TAF2: variants seen among roughly 807,000 people sequenced by gnomAD.
TAF2 encodes TATA-box binding protein associated factor 2.
Under a neutral mutation model 138.5 loss-of-function variants are expected in TAF2, and 61 were observed. The observed-to-expected ratio is 0.44, with a 90% CI of 0.36 to 0.54. TAF2 has a LOEUF of 0.54. Among genes scored for constraint, TAF2 ranks in the 20% least tolerant of loss-of-function variants. TAF2 has a pLI of 0.00. For missense variants in TAF2, 1,090 were observed against 1,427.9 expected, an observed-to-expected ratio of 0.76 and a Z score of 3.81; for synonymous variants, 475 against 469.9, an observed-to-expected ratio of 1.01 and a Z score of -0.14.
chr8:119,762,720 C>T, intron 18 of TAF2, 112 bp from the exon 19 acceptor site: 1 of 939,992 alleles, frequency 1.1e-6, no homozygotes, highest in African/African-American at 1.7e-5. Context: ...TTTCCCAAAA[C>T]ACAAGCAAGT....
chr8:119,784,579 T>C (rs987430591), intron 15 of TAF2, among the ~76,000 whole-genome samples: 1 of 152,140 alleles, frequency 6.6e-6, no homozygotes, highest in African/African-American at 2.4e-5. Flanking sequence ...GCAATCAAGT[T>C]AGTAAATAAT....
At chr8:119,757,876 A>G (rs1315231705) in intron 21 of TAF2, among the ~76,000 whole-genome samples, 197 bp downstream of exon 21, 1 of 152,128 alleles carries the variant, frequency 6.6e-6, no homozygotes, top group African/African-American at 2.4e-5. Flanking sequence ...AGCCTGGGCC[A>G]CAGAGTGAGA....
intron 3 of TAF2, among the ~76,000 whole-genome samples, chr8:119,809,578 G>C (rs1245243522): frequency 6.6e-6 from 1 of 152,148 alleles, no homozygotes; most frequent in African/African-American, 2.4e-5. Flanking sequence ...CATTTCTATA[G>C]CTTTTGGTTT....
At position 119,746,719 on chromosome 8, in the gene TAF2, C is replaced by G. The variant is rs373620738; in HGVS notation, c.3094G>C (p.Gly1032Arg). The change falls in exon 23 of 26, where the codon GGA (glycine) becomes CGA (arginine). Residue 1032 changes from glycine to arginine, a missense_variant. Gly to Arg is a moderately radical substitution (Grantham distance 125). Coordinates refer to ENST00000378164, the MANE Select transcript of TAF2 (RefSeq NM_003184.4). ...GTGATTCTTACAGGGTTCTGAAATC[C>G]AACTAGCTGTGGGTGACTGCTTGGA... The part of the protein sequence containing the change: ...NNPSSHPQLV[G>R]FQNPFSSSQD... The G allele has an allele frequency of 3.1e-6, 5 of 1,614,106 alleles. No individual in the cohort carries two copies. Among genetic ancestry groups the G allele is most frequent in the Non-Finnish European group, 3.4e-6 (4 of 1,180,008 alleles).
chr8:119,770,234 T>C (rs1821737649), intron 18 of TAF2, among the ~76,000 whole-genome samples: 1 of 151,546 alleles, frequency 6.6e-6, no homozygotes, highest in African/African-American at 2.4e-5. Context: ...GTGATAGATA[T>C]CCAGACAAGA....
intron 3 of TAF2, among the ~76,000 whole-genome samples, chr8:119,811,657 T>C (rs2131234487): frequency 6.6e-6 from 1 of 151,100 alleles, no homozygotes; most frequent in African/African-American, 2.4e-5. Context: ...ATACAAAAAA[T>C]TAGCCGGGCG....
intron 25 of TAF2, among the ~76,000 whole-genome samples, chr8:119,735,260 T>C (rs369912131): frequency 6.6e-6 from 1 of 152,208 alleles, no homozygotes; most frequent in Non-Finnish European, 1.5e-5. Flanking sequence ...TCCCAACATA[T>C]AGCACAGTAT....
chr8:119,829,392 C>T (rs1383620442), intron 2 of TAF2, among the ~76,000 whole-genome samples: 1 of 152,106 alleles, frequency 6.6e-6, no homozygotes, highest in Non-Finnish European at 1.5e-5. Flanking sequence ...GTAACTTCCC[C>T]TTCCCGTTGT....
chr8:119,830,504 C>A (rs2131277428), intron 2 of TAF2, among the ~76,000 whole-genome samples: 1 of 152,242 alleles, frequency 6.6e-6, no homozygotes, highest in African/African-American at 2.4e-5. Flanking sequence ...ATTCATACAA[C>A]ATAATACAAC....
chr8:119,801,363 C>T (rs1037643261), intron 6 of TAF2, among the ~76,000 whole-genome samples: 1 of 151,344 alleles, frequency 6.6e-6, no homozygotes, highest in African/African-American at 2.4e-5. Flanking sequence ...GATAAGGAAA[C>T]ATTTTCTCTC....
chr8:119,766,014 C>T (rs1039154801), intron 18 of TAF2, among the ~76,000 whole-genome samples: 20 of 152,074 alleles, frequency 1.3e-4, no homozygotes, highest in Admixed American at 9.2e-4. Flanking sequence ...ATAGAAAAGA[C>T]GATGTAGGTA....
rs1324875123 is a variant in TAF2, at chr8:119,795,724, T to C, written c.1092-93A>G. On this transcript the variant is annotated intron_variant, in intron 8 of 25. Transcript: ENST00000378164. ...TAACGGAATAAGTGTAGTGTGTATT[T>C]CCCTGCCTTCATAAAGAAAATGAAA... 5 of 1,115,758 alleles carry C rather than the reference T, an allele frequency of 4.5e-6. No individual in the cohort carries two copies. The African/African-American group carries it at 6.2e-5, about 14-fold the overall frequency. 69.1% of individuals were successfully genotyped at this position (1,115,758 alleles called of 1,614,324 possible).
Position 119,746,743 on chromosome 8 carries a change from G to T in TAF2, c.3070C>A (p.Pro1024Thr), listed in dbSNP as rs142735640. ...CCAACTAGCTGTGGGTGACTGCTTGGATTATTTGCAGCTTCTTGGTTGCCT... is the reference window on the plus strand; with the variant it reads ...CCAACTAGCTGTGGGTGACTGCTTGTATTATTTGCAGCTTCTTGGTTGCCT... ...VAGNQEAANN[P>T]SSHPQLVGFQ... Residue 1024 changes from proline to threonine, a missense_variant, in exon 23 of 26, where the codon CCA becomes ACA. Around this residue, in one of 3 missense-constraint regions of TAF2, gnomAD observed 580 missense variants for 719.6 expected, o/e 0.81. Transcript: ENST00000378164. 1.9e-6 allele frequency: 3 copies of T among 1,614,104 alleles called. No homozygotes were observed. The South Asian group carries it at 3.3e-5, about 18-fold the overall frequency.
intron 3 of TAF2, among the ~76,000 whole-genome samples, chr8:119,814,690 G>A (rs1483116904): frequency 2.2e-5 from 3 of 138,490 alleles, no homozygotes; most frequent in South Asian, 2.3e-4. Flanking sequence ...TCAGGAGTTC[G>A]AGACCAGCTG....
intron 2 of TAF2, among the ~76,000 whole-genome samples, chr8:119,821,414 C>G (rs1464270751): frequency 6.6e-6 from 1 of 152,204 alleles, no homozygotes; most frequent in African/African-American, 2.4e-5. Flanking sequence ...CCTCTCTACC[C>G]TCTTGCCTTA....
chr8:119,744,693 C>G (rs1339880202), intron 23 of TAF2: 3 of 426,060 alleles, frequency 7.0e-6, no homozygotes, highest in Non-Finnish European at 1.3e-5. Context: ...CTCCCCCAAA[C>G]AGAGAAGAAT....
At chr8:119,783,272 A>G (rs2131141656) in intron 16 of TAF2, 109 bp downstream of exon 16, 2 of 1,382,848 alleles carry the variant, frequency 1.4e-6, no homozygotes, top group Non-Finnish European at 1.9e-6. Flanking sequence ...AAAGCTTTCA[A>G]AGAATCAGCT....
chr8:119,767,454 G>A (rs1821509952), intron 18 of TAF2, among the ~76,000 whole-genome samples: 1 of 152,170 alleles, frequency 6.6e-6, no homozygotes, highest in African/African-American at 2.4e-5. Flanking sequence ...GATCCCTGGG[G>A]TTCCACACTC....
chr8:119,785,128 C>G (rs1222015403), intron 15 of TAF2, 73 bp downstream of exon 15: 6 of 1,192,424 alleles, frequency 5.0e-6, no homozygotes, highest in Non-Finnish European at 7.5e-6. Context: ...TACACTTTTA[C>G]GTACGCATAA....
Sources: gnomAD v4.1 joint callset for allele counts (sites outside exome capture counted in the v4.1 genomes callset) on GRCh38, gnomAD v4.1.1 for gene constraint, gnomAD v4.1.1 regional missense constraint, MANE v1.5 for transcripts, NCBI Gene and HGNC (gene_info 2026-07-23, HGNC 2026-07-21) for gene names.